The following GRID2 variants were observed in gnomAD, a reference collection of about 807,000 sequenced individuals.
GRID2 encodes the protein glutamate receptor ionotropic, delta-2.
In GRID2, 33 loss-of-function variants were observed where a neutral mutation model predicts 114.8. The observed-to-expected ratio is 0.29, with a 90% confidence interval of 0.22 to 0.38. The LOEUF (loss-of-function observed/expected upper bound fraction) is 0.38, where lower values mean the gene tolerates loss of function less well. Among genes scored for constraint, GRID2 ranks in the 10% least tolerant of loss-of-function variants. GRID2 has a pLI of 1.00. For missense variants in GRID2, 1,184 were observed against 1,257.7 expected (o/e 0.94, Z 0.89); for synonymous variants, 505 against 449.9 (o/e 1.12, Z -1.55).
intron 13 of GRID2, among the ~76,000 whole-genome samples, chr4:93,544,221 T>C (rs1330322507): frequency 1.3e-5 from 2 of 152,112 alleles, no homozygotes; most frequent in African/African-American, 4.8e-5. Context: ...TTCTCAAATG[T>C]GTGGAATAGA....
In GRID2 at chr4:92,304,513, A is replaced by G. The variant is rs1725275397; in HGVS notation, c.-144A>G. Reference sequence around the variant, plus strand: ...CCCTTCTGCCTTTCTCGGCGACGATAAAAGGCTTTGCTCTGGCAATAGGAA... The same window carrying G: ...CCCTTCTGCCTTTCTCGGCGACGATGAAAGGCTTTGCTCTGGCAATAGGAA... On this transcript the variant is annotated 5_prime_UTR_variant, in exon 1 of 16. The change creates a new upstream start codon in the 5' untranslated region. Transcript: ENST00000282020. The G allele has an allele frequency of 7.6e-6, 5 of 658,082 alleles. No individual in the cohort carries two copies. The highest frequency in any genetic ancestry group is 3.7e-5 in the African/African-American group (2 of 54,522). 40.8% of individuals were successfully genotyped at this position (658,082 alleles called of 1,614,324 possible). A position where few individuals can be genotyped will look rare whatever the true frequency, so the allele number is the denominator to read the frequency against.
At chr4:92,786,811 G>C (rs1021465219) in intron 2 of GRID2, among the ~76,000 whole-genome samples, 2 of 151,820 alleles carry the variant, frequency 1.3e-5, no homozygotes, top group African/African-American at 4.8e-5. Flanking sequence ...ATCCTGGTGA[G>C]GGGAGAGGGA....
chr4:93,058,118 G>T (rs1727435973), intron 2 of GRID2, among the ~76,000 whole-genome samples: 1 of 151,908 alleles, frequency 6.6e-6, no homozygotes, highest in Non-Finnish European at 1.5e-5. Flanking sequence ...ATTCAGTGAA[G>T]TTTACTTAAA....
At chr4:93,512,432 C>A (rs1256473785) in intron 12 of GRID2, among the ~76,000 whole-genome samples, 1 of 152,124 alleles carries the variant, frequency 6.6e-6, no homozygotes, top group African/African-American at 2.4e-5. Context: ...ATTTTGGGCT[C>A]CTGAAATGGC....
intron 12 of GRID2, among the ~76,000 whole-genome samples, chr4:93,496,024 C>T (rs1473685059): frequency 2.0e-5 from 3 of 151,320 alleles, no homozygotes; most frequent in East Asian, 2.0e-4. Flanking sequence ...GTCTACTATT[C>T]GTGGGCCCCA....
At chr4:93,059,588 ATGAT>A (rs1403521757) in intron 2 of GRID2, among the ~76,000 whole-genome samples, 10 of 152,084 alleles carry the variant, frequency 6.6e-5, no homozygotes, top group Non-Finnish European at 1.0e-4. Context: ...CAATTTTATG[ATGAT>A]TGATTTGGAC....
intron 13 of GRID2, among the ~76,000 whole-genome samples, chr4:93,568,784 A>G (rs1338970400): frequency 6.6e-6 from 1 of 152,154 alleles, no homozygotes. Context: ...GTTAAAATGA[A>G]GCATCTGATT....
At chr4:93,153,422 C>T (rs1021676330) in intron 4 of GRID2, among the ~76,000 whole-genome samples, 1 of 151,974 alleles carries the variant, frequency 6.6e-6, no homozygotes, top group African/African-American at 2.4e-5. Flanking sequence ...AAAAAAAGCC[C>T]AGGGCTCGCA....
At chr4:92,753,131 T>C (rs570216900) in intron 2 of GRID2, among the ~76,000 whole-genome samples, 4 of 152,106 alleles carry the variant, frequency 2.6e-5, no homozygotes, top group Non-Finnish European at 5.9e-5. Context: ...TTTTAGACAA[T>C]GATTAGTTAG....
intron 2 of GRID2, among the ~76,000 whole-genome samples, chr4:92,734,233 A>G (rs1306551791): frequency 6.6e-6 from 1 of 151,994 alleles, no homozygotes; most frequent in East Asian, 1.9e-4. Context: ...TTAAGATAAT[A>G]TTTATAAATT....
At chr4:93,368,844 T>G (rs777024855) in intron 8 of GRID2, among the ~76,000 whole-genome samples, 11 of 152,248 alleles carry the variant, frequency 7.2e-5, no homozygotes, top group Non-Finnish European at 1.3e-4. Context: ...AGTCTTCCAC[T>G]TTACGAAGTC....
intron 4 of GRID2, among the ~76,000 whole-genome samples, chr4:93,115,591 A>G (rs950038637): frequency 2.6e-5 from 4 of 152,068 alleles, no homozygotes; most frequent in Non-Finnish European, 4.4e-5. Context: ...GTCCATTCTC[A>G]TGCTGCTGAT....
intron 2 of GRID2, among the ~76,000 whole-genome samples, chr4:92,632,227 T>A (rs970405): frequency 0.39 from 58,937 of 151,968 alleles, 11,918 homozygotes; most frequent in African/African-American, 0.51. Context: ...TATTATCACT[T>A]TTATCACATA....
intron 2 of GRID2, among the ~76,000 whole-genome samples, chr4:92,867,864 GA>G (rs1297714019): frequency 6.6e-6 from 1 of 152,096 alleles, no homozygotes; most frequent in Non-Finnish European, 1.5e-5. Flanking sequence ...TTAGTCATTA[GA>G]ATCATTTAAC....
At chr4:92,924,144 C>T (rs1007036151) in intron 2 of GRID2, among the ~76,000 whole-genome samples, 2 of 152,094 alleles carry the variant, frequency 1.3e-5, no homozygotes, top group African/African-American at 4.8e-5. Context: ...CAAACTATCA[C>T]AAGGACAAAA....
intron 2 of GRID2, among the ~76,000 whole-genome samples, chr4:92,861,599 T>G (rs1027247797): frequency 6.6e-6 from 1 of 152,128 alleles, no homozygotes; most frequent in Non-Finnish European, 1.5e-5. Flanking sequence ...TTGTCTTCCT[T>G]TTTAAGCGAT....
At chr4:92,328,694 T>C (rs1726721156) in intron 1 of GRID2, among the ~76,000 whole-genome samples, 1 of 152,078 alleles carries the variant, frequency 6.6e-6, no homozygotes, top group Admixed American at 6.6e-5. Flanking sequence ...GAAAAACCTT[T>C]GTTAGCTTAA....
chr4:92,653,176 T>C (rs1179956629), intron 2 of GRID2, among the ~76,000 whole-genome samples: 1 of 150,078 alleles, frequency 6.7e-6, no homozygotes, highest in East Asian at 2.0e-4. Flanking sequence ...TTTTTTGTAT[T>C]TTTAGTAGAG....
intron 2 of GRID2, among the ~76,000 whole-genome samples, chr4:92,973,418 C>T (rs1204688340): frequency 6.6e-6 from 1 of 152,100 alleles, no homozygotes; most frequent in Non-Finnish European, 1.5e-5. Flanking sequence ...TCTATATAAA[C>T]ATAGTATGCT....
Sources: allele counts gnomAD v4.1 joint callset (sites outside exome capture counted in the v4.1 genomes callset), GRCh38; gene constraint gnomAD v4.1.1; transcripts MANE v1.5; gene names NCBI Gene and HGNC (gene_info 2026-07-23, HGNC 2026-07-21).